Variants in TUT4 observed in about 807,000 individuals in gnomAD.
The protein encoded by TUT4 is terminal uridylyltransferase 4.
A neutral mutation model predicts 192.2 loss-of-function variants in TUT4; 36 were observed. The ratio of observed to expected loss-of-function variants is 0.19; its 90% confidence interval spans 0.14 to 0.25. TUT4 has a LOEUF of 0.25. Ranked by LOEUF, TUT4 falls within the 10% of genes least tolerant of loss-of-function variation. The probability of loss-of-function intolerance (pLI) is 1.00; values close to 1 mark genes in which losing one functional copy is unlikely to be tolerated. For missense variants in TUT4, 1,493 were observed against 1,957.2 expected (o/e 0.76, Z 4.47); for synonymous variants, 618 against 666.0 (o/e 0.93, Z 1.11).
intron 1 of TUT4, among the ~76,000 whole-genome samples, chr1:52,532,675 T>C (rs1489413546): frequency 2.6e-5 from 4 of 152,122 alleles, no homozygotes; most frequent in African/African-American, 9.7e-5. Context: ...ATATTCCCCT[T>C]AAAAACATAC....
chr1:52,430,980 A>G (rs965799874), intron 28 of TUT4, 33 bp downstream of exon 28: 8 of 1,525,398 alleles, frequency 5.2e-6, no homozygotes, highest in South Asian at 2.6e-5. Flanking sequence ...AAGAAAAGAC[A>G]TGCAGATAAA....
chr1:52,458,209 G>GA (rs1478380518), intron 20 of TUT4, 127 bp downstream of exon 20: 2 of 588,410 alleles, frequency 3.4e-6, no homozygotes, highest in Non-Finnish European at 5.8e-6. Flanking sequence ...AGCATTAATG[G>GA]AAAGAGAAAA....
intron 20 of TUT4, among the ~76,000 whole-genome samples, chr1:52,454,150 C>T (rs986069230): frequency 6.6e-6 from 1 of 152,144 alleles, no homozygotes; most frequent in Non-Finnish European, 1.5e-5. Context: ...TCAGTTCTTC[C>T]CTACTTGGTC....
chr1:52,484,331 A>C (rs1392156528), intron 9 of TUT4, among the ~76,000 whole-genome samples: 1 of 152,256 alleles, frequency 6.6e-6, no homozygotes, highest in African/African-American at 2.4e-5. Context: ...AGATGTTATA[A>C]GTAATCTAGT....
Position 52,525,967 on chromosome 1 carries a change from G to A in TUT4, c.314C>T (p.Pro105Leu), listed in dbSNP as rs761846509. 5.0e-6 allele frequency: 8 copies of A among 1,613,938 alleles called. No homozygotes were observed. Among genetic ancestry groups the A allele is most frequent in the African/African-American group, 4.0e-5 (3 of 74,886 alleles). Reference sequence around the variant, plus strand: ...AATGGTTGCCTTTTCGGCTTTCACCGGTGAATTAGGAAATTTTTTTGCTTT... The same window carrying A: ...AATGGTTGCCTTTTCGGCTTTCACCAGTGAATTAGGAAATTTTTTTGCTTT... ...HCKAKKFPNS[P>L]VKAEKATISQ... Residue 105 changes from proline to leucine, a missense_variant, in exon 2 of 30, where the codon CCG becomes CTG. Physicochemically the swap from Pro to Leu is moderately conservative, Grantham distance 98. This residue lies in a region of TUT4 where 260 missense variants were observed against 247.8 expected (regional missense o/e 1.05). Transcript: ENST00000257177.
chr1:52,444,865 T>A (rs1308228933), intron 24 of TUT4, among the ~76,000 whole-genome samples: 1 of 151,196 alleles, frequency 6.6e-6, no homozygotes, highest in African/African-American at 2.4e-5. Context: ...TGTGATCATG[T>A]AAATTAATAC....
chr1:52,526,897 C>T (rs975576452), intron 1 of TUT4, among the ~76,000 whole-genome samples: 9 of 151,954 alleles, frequency 5.9e-5, no homozygotes, highest in Non-Finnish European at 1.3e-4. Flanking sequence ...TGGTGGCGTG[C>T]GCCTGTAATC....
At chr1:52,529,018 T>C (rs958034379) in intron 1 of TUT4, among the ~76,000 whole-genome samples, 1 of 152,126 alleles carries the variant, frequency 6.6e-6, no homozygotes, top group African/African-American at 2.4e-5. Context: ...TGGCCAATAA[T>C]TCTTCTTTAT....
At chr1:52,437,940 G>A (rs976395874) in intron 25 of TUT4, among the ~76,000 whole-genome samples, 2 of 151,940 alleles carry the variant, frequency 1.3e-5, no homozygotes, top group Non-Finnish European at 2.9e-5. Context: ...GGGCGACAGG[G>A]CGAGATGCCG....
In TUT4 at chr1:52,431,377, A is replaced by G; in HGVS notation, c.4347T>C (p.Ser1449=). ...CAAGCTTAGGTTGGGATCCTGGCTG[A>G]GATGAAGGCTGAGTAATAGCAGCTG... ...SQSAAITQPS[S]QPGSQPKLGP... is the part of the protein sequence containing the mutation. Residue 1449 remains serine (S), a synonymous_variant, in exon 28 of 30, where the codon TCT becomes TCC. Coordinates refer to ENST00000257177, the MANE Select transcript of TUT4 (RefSeq NM_001009881.3). 1 of 1,614,140 alleles carries G rather than the reference A, an allele frequency of 6.2e-7. No individual in the cohort carries two copies. The highest frequency in any genetic ancestry group is 8.5e-7 in the Non-Finnish European group (1 of 1,180,012).
rs2149460617 is a variant in TUT4 at position 52,525,575 on chromosome 1, A to C, written c.706T>G (p.Ser236Ala). Residue 236 changes from serine (S) to alanine (A), a missense_variant, in exon 2 of 30, where the codon TCG becomes GCG. Physicochemically the swap from Ser to Ala is moderately conservative, Grantham distance 99. This residue lies in a region of TUT4 where 437 missense variants were observed against 577.6 expected (regional missense o/e 0.76). Coordinates refer to ENST00000257177, the MANE Select transcript of TUT4 (RefSeq NM_001009881.3). ...DDSASGIEDVSDDLSKMKNDE... is the reference protein window; with the variant it reads ...DDSASGIEDVADDLSKMKNDE... ...AAAAATGACTTACTTAAATCGTCCG[A>C]TACGTCTTCAATTCCTGAAGCACTA... 2 of 1,608,222 alleles carry C rather than the reference A, an allele frequency of 1.2e-6. No homozygotes were observed. The highest frequency in any genetic ancestry group is 2.7e-5 in the African/African-American group (2 of 74,884).
Position 52,431,160 on chromosome 1 carries a change from T to C in TUT4, c.4564A>G (p.Ser1522Gly), listed in dbSNP as rs746549087. The C allele has an allele frequency of 1.2e-5, 20 of 1,614,120 alleles. No individual in the cohort carries two copies. The highest frequency in any genetic ancestry group is 2.2e-5 in the East Asian group (1 of 44,874). Residue 1522 changes from serine (S) to glycine (G), a missense_variant, in exon 28 of 30, where the codon AGC (serine) becomes GGC (glycine). By Grantham distance (56) the Ser-to-Gly change is moderately conservative. This residue lies in a region of TUT4 where 351 missense variants were observed against 397.8 expected (regional missense o/e 0.88). Coordinates refer to ENST00000257177, the MANE Select transcript of TUT4 (RefSeq NM_001009881.3). ...VIHSAPGSAP[S>G]NIGLNDPSII... Reference sequence around the variant, plus strand: ...CTGGGATCATTTAGGCCAATATTGCTGGGGGCACTGCCTGGTGCAGAGTGG... The same window carrying C: ...CTGGGATCATTTAGGCCAATATTGCCGGGGGCACTGCCTGGTGCAGAGTGG...
At chr1:52,465,287 T>G (rs1037859550) in intron 15 of TUT4, 114 bp from the exon 16 acceptor site, 1 of 654,702 alleles carries the variant, frequency 1.5e-6, no homozygotes, top group Non-Finnish European at 2.5e-6. Context: ...TGATTTAAAT[T>G]ACCTACCACT....
intron 1 of TUT4, among the ~76,000 whole-genome samples, chr1:52,533,565 T>C (rs2149545524): frequency 6.6e-6 from 1 of 152,178 alleles, no homozygotes; most frequent in East Asian, 1.9e-4. Context: ...CCTTTCACTA[T>C]CATCCTACCA....
intron 3 of TUT4, 75 bp downstream of exon 3, chr1:52,515,816 A>T (rs751151479): frequency 1.3e-5 from 21 of 1,556,752 alleles, no homozygotes; most frequent in South Asian, 5.7e-5. Flanking sequence ...AAAGAAAAAT[A>T]AAAAAAGCTG....
chr1:52,497,120 A>C lies in TUT4; in HGVS notation c.1063T>G (p.Leu355Val). 1 of 1,613,846 alleles carries C rather than the reference A, an allele frequency of 6.2e-7. No homozygotes were observed. Among genetic ancestry groups the C allele is most frequent in the Non-Finnish European group, 8.5e-7 (1 of 1,179,890 alleles). ...PPPSPAHLAALSVAVIELAKE... is the reference protein window; with the variant it reads ...PPPSPAHLAAVSVAVIELAKE... ...GCTAATTCAATGACTGCAACACTTA[A>C]AGCAGCCAAGTGGGCAGGGGAAGGA... The change falls in exon 5 of 30, where the codon TTA becomes GTA. Residue 355 changes from leucine to valine, a missense_variant. Physicochemically the swap from Leu to Val is conservative, Grantham distance 32 (BLOSUM62 1). This residue lies in a region of TUT4 where 437 missense variants were observed against 577.6 expected (regional missense o/e 0.76). Transcript: ENST00000257177.
intron 1 of TUT4, among the ~76,000 whole-genome samples, chr1:52,540,094 C>T (rs1006530858): frequency 1.3e-5 from 2 of 151,144 alleles, no homozygotes; most frequent in Non-Finnish European, 2.9e-5. Flanking sequence ...TGGCGGGCGC[C>T]TGTGTTACCA....
intron 12 of TUT4, among the ~76,000 whole-genome samples, chr1:52,476,751 T>G (rs1667194699): frequency 1.3e-5 from 2 of 152,242 alleles, no homozygotes; most frequent in African/African-American, 4.8e-5. Context: ...TATAAATGTT[T>G]GCATGTATAT....
intron 5 of TUT4, among the ~76,000 whole-genome samples, chr1:52,496,050 T>C (rs979482019): frequency 1.3e-5 from 2 of 152,118 alleles, no homozygotes; most frequent in Non-Finnish European, 2.9e-5. Context: ...TACTTACAGC[T>C]TTCCCAGACT....
Sources: allele counts gnomAD v4.1 joint callset (sites outside exome capture counted in the v4.1 genomes callset), GRCh38; gene constraint gnomAD v4.1.1; regional missense constraint gnomAD v4.1.1; transcripts MANE v1.5; gene names NCBI Gene and HGNC (gene_info 2026-07-23, HGNC 2026-07-21).